Variants in ZFHX3 observed in about 807,000 individuals in gnomAD.
ZFHX3 encodes zinc finger homeobox 3, also known as zinc finger homeobox protein 3.
Under a neutral mutation model 279.1 loss-of-function variants are expected in ZFHX3, and 42 were observed. The observed-to-expected ratio is 0.15, with a 90% CI of 0.12 to 0.19. The LOEUF (loss-of-function observed/expected upper bound fraction) is 0.19. ZFHX3 is among the 10% of genes least tolerant of loss of function. The pLI, the probability that ZFHX3 is intolerant of heterozygous loss-of-function variation, is 1.00. For missense variants in ZFHX3, 4,981 were observed against 4,754.0 expected (o/e 1.05, Z -1.40); for synonymous variants, 2,293 against 1,957.8 (o/e 1.17, Z -4.52).
At chr16:72,871,927 T>C (rs1342347008) in intron 4 of ZFHX3, among the ~76,000 whole-genome samples, 1 of 152,018 alleles carries the variant, frequency 6.6e-6, no homozygotes, top group African/African-American at 2.4e-5. Context: ...CTACTAAAAA[T>C]ACAGAAAATT....
intron 2 of ZFHX3, among the ~76,000 whole-genome samples, chr16:73,563,342 A>T (rs2020403727): frequency 6.6e-6 from 1 of 150,572 alleles, no homozygotes; most frequent in African/African-American, 2.4e-5. Context: ...GGTTCACACC[A>T]TTCTCCTGCC....
chr16:73,867,755 C>A (rs1048234626), intron 1 of ZFHX3, among the ~76,000 whole-genome samples: 1 of 152,152 alleles, frequency 6.6e-6, no homozygotes, highest in Non-Finnish European at 1.5e-5. Context: ...ATAATTGTAT[C>A]CCCTCCATTA....
At chr16:73,772,482 C>T (rs1597108115) in intron 1 of ZFHX3, among the ~76,000 whole-genome samples, 1 of 152,232 alleles carries the variant, frequency 6.6e-6, no homozygotes, top group African/African-American at 2.4e-5. Context: ...GCTCCCACAA[C>T]ATGTGAGAAT....
At chr16:73,369,401 C>A (rs185163055) in intron 3 of ZFHX3, among the ~76,000 whole-genome samples, 2 of 152,340 alleles carry the variant, frequency 1.3e-5, no homozygotes, top group African/African-American at 2.4e-5. Context: ...GCATCAGAAT[C>A]TTTGCAAATG....
chr16:73,434,384 C>T (rs1418328040), intron 3 of ZFHX3, among the ~76,000 whole-genome samples: 1 of 152,120 alleles, frequency 6.6e-6, no homozygotes, highest in Admixed American at 6.5e-5. Flanking sequence ...CTAATTAGTC[C>T]ATCTCATTAA....
At chr16:73,130,050 T>C (rs1966649869) in intron 7 of ZFHX3, among the ~76,000 whole-genome samples, 1 of 152,166 alleles carries the variant, frequency 6.6e-6, no homozygotes, top group Non-Finnish European at 1.5e-5. Context: ...CAAAATTGTT[T>C]CTTAGGGCAT....
At chr16:72,941,274 T>C (rs1266691821) in intron 3 of ZFHX3, among the ~76,000 whole-genome samples, 1 of 152,240 alleles carries the variant, frequency 6.6e-6, no homozygotes, top group African/African-American at 2.4e-5. Context: ...GAATATTGGA[T>C]AGGACACTTT....
rs1259061552 is a variant in ZFHX3 at position 73,529,227 on chromosome 16, C to CG, written c.-1546-72970_-1546-72969insC. 5.9e-5 allele frequency among the ~76,000 whole-genome samples: 9 copies of CG among 152,136 alleles called. No homozygotes were observed. The East Asian group carries it at 1.7e-3, about 29-fold the overall frequency. ...CTTGTATGTTTGTGATAATTTTGCC[C>CG]AGTGGACCGAGTGGCTGCTGAGGGA... On this transcript the variant is annotated intron_variant, in intron 2 of 17. Coordinates refer to the ZFHX3 transcript ENST00000641206.
At chr16:73,201,145 T>G (rs1202557018) in intron 5 of ZFHX3, among the ~76,000 whole-genome samples, 1 of 152,210 alleles carries the variant, frequency 6.6e-6, no homozygotes, top group Admixed American at 6.5e-5. Flanking sequence ...GGACATGAGC[T>G]GAGACAGTGA....
At chr16:73,603,848 G>A (rs965156282) in intron 2 of ZFHX3, among the ~76,000 whole-genome samples, 11 of 142,784 alleles carry the variant, frequency 7.7e-5, no homozygotes, top group Non-Finnish European at 1.3e-4. Flanking sequence ...GCATGATATC[G>A]GCTCACTGCA....
chr16:73,764,347 T>A (rs1489570180), intron 1 of ZFHX3, among the ~76,000 whole-genome samples: 1 of 152,106 alleles, frequency 6.6e-6, no homozygotes, highest in Non-Finnish European at 1.5e-5. Context: ...CTTTTTTATA[T>A]AAAATTAATA....
At chr16:73,435,758 G>T (rs1161254236) in intron 3 of ZFHX3, among the ~76,000 whole-genome samples, 1 of 152,170 alleles carries the variant, frequency 6.6e-6, no homozygotes, top group Non-Finnish European at 1.5e-5. Flanking sequence ...GTTCTCCCCT[G>T]TTCTGAGTTG....
intron 4 of ZFHX3, among the ~76,000 whole-genome samples, chr16:72,838,915 A>G (rs1007476602): frequency 6.6e-5 from 10 of 151,462 alleles, no homozygotes; most frequent in Non-Finnish European, 5.9e-5. Context: ...TTTTTTTTTA[A>G]TAACTGAAAG....
At chr16:73,601,141 G>C (rs2052110249) in intron 2 of ZFHX3, among the ~76,000 whole-genome samples, 1 of 151,868 alleles carries the variant, frequency 6.6e-6, no homozygotes, top group Admixed American at 6.6e-5. Context: ...AAACATTCTT[G>C]TACTGTTATT....
intron 1 of ZFHX3, among the ~76,000 whole-genome samples, chr16:73,869,539 T>C (rs1962110921): frequency 2.0e-5 from 3 of 152,238 alleles, no homozygotes; most frequent in South Asian, 4.1e-4. Context: ...AGAAATGCTT[T>C]AGAAAACGCA....
At chr16:73,664,750 A>C (rs563079885) in intron 2 of ZFHX3, among the ~76,000 whole-genome samples, 13 of 152,330 alleles carry the variant, frequency 8.5e-5, no homozygotes, top group Admixed American at 8.5e-4. Context: ...AGCAGGACCA[A>C]AAAAGGCAGA....
At chr16:73,411,777 T>C (rs2017471346) in intron 3 of ZFHX3, among the ~76,000 whole-genome samples, 1 of 152,212 alleles carries the variant, frequency 6.6e-6, no homozygotes, top group Non-Finnish European at 1.5e-5. Context: ...TTATGGGACA[T>C]GTACCCTGCA....
At chr16:73,447,914 C>G (rs2018214953) in intron 3 of ZFHX3, among the ~76,000 whole-genome samples, 1 of 152,164 alleles carries the variant, frequency 6.6e-6, no homozygotes, top group Admixed American at 6.5e-5. Context: ...ATAGTAAAAA[C>G]ACCTTAAAAG....
At chr16:73,558,032 G>A (rs1006672959) in intron 2 of ZFHX3, among the ~76,000 whole-genome samples, 1 of 152,146 alleles carries the variant, frequency 6.6e-6, no homozygotes, top group Non-Finnish European at 1.5e-5. Flanking sequence ...TCCCGAATGG[G>A]CCTTCCCTCC....
Sources: allele counts gnomAD v4.1 joint callset (sites outside exome capture counted in the v4.1 genomes callset), GRCh38; gene constraint gnomAD v4.1.1; transcripts MANE v1.5; gene names NCBI Gene and HGNC (gene_info 2026-07-23, HGNC 2026-07-21).